Variants in CD274 observed in about 807,000 individuals in gnomAD.
The protein encoded by CD274 is programmed cell death 1 ligand 1.
In CD274, 8 loss-of-function variants were observed where a neutral mutation model predicts 30.1. That is an observed-to-expected ratio of 0.27 (90% CI 0.16 to 0.48). CD274 has a LOEUF of 0.48. Ranked by LOEUF, CD274 falls within the 20% of genes least tolerant of loss-of-function variation. The probability of loss-of-function intolerance (pLI) is 0.99; values close to 1 mark genes in which losing one functional copy is unlikely to be tolerated. For missense variants in CD274, 353 were observed against 346.6 expected (o/e 1.02, Z -0.15); for synonymous variants, 152 against 124.6 (o/e 1.22, Z -1.46).
In CD274 at chr9:5,468,077, G is replaced by A. The variant is rs1459647425; in HGVS notation, c.*215G>A. ...AACAGGGAGCCTGGAGGGAGACCTT[G>A]ATACTTTCAAATGCCTGAGGGGCTC... On this transcript the variant is annotated 3_prime_UTR_variant, in exon 7 of 7. Coordinates refer to ENST00000381577, the MANE Select transcript of CD274 (RefSeq NM_014143.4). 2 of 586,828 alleles carry A rather than the reference G, an allele frequency of 3.4e-6. No individual in the cohort carries two copies. Among genetic ancestry groups the A allele is most frequent in the Non-Finnish European group, 6.1e-6 (2 of 328,524 alleles). The allele number at this position is 586,828 out of a possible 1,614,324, so 36.4% of individuals were successfully genotyped here. A position where few individuals can be genotyped will look rare whatever the true frequency, so the allele number is the denominator to read the frequency against.
intron 3 of CD274, among the ~76,000 whole-genome samples, chr9:5,459,929 T>G (rs1197169070): frequency 1.3e-5 from 2 of 152,022 alleles, no homozygotes; most frequent in East Asian, 1.9e-4. Flanking sequence ...CCTGTTTAAG[T>G]GTTCTCTGTA....
At position 5,469,496 on chromosome 9, in the gene CD274, T is replaced by A. The variant is rs1819552089; in HGVS notation, c.*1634T>A. On this transcript the variant is annotated 3_prime_UTR_variant, in exon 7 of 7. Coordinates refer to ENST00000381577, the MANE Select transcript of CD274 (RefSeq NM_014143.4). ...ATGTTAAAAGCACGTATTTTTAAAATTTTTTTCCTAAATAGTAACACATTG... is the reference window on the plus strand; with the variant it reads ...ATGTTAAAAGCACGTATTTTTAAAAATTTTTTCCTAAATAGTAACACATTG... The A allele has an allele frequency of 4.3e-6, 1 of 230,758 alleles. No individual in the cohort carries two copies. The highest frequency in any genetic ancestry group is 8.6e-6 in the Non-Finnish European group (1 of 116,560). The allele number at this position is 230,758 out of a possible 1,614,324, so 14.3% of individuals were successfully genotyped here.
At position 5,462,937 on chromosome 9, in the gene CD274, C is replaced by G. The variant is rs759831300; in HGVS notation, c.498C>G (p.Ile166Met). The change falls in exon 4 of 7, where the codon ATC becomes ATG. Residue 166 changes from isoleucine (I) to methionine (M), a missense_variant. Physicochemically the swap from Ile to Met is conservative, Grantham distance 10. Coordinates refer to ENST00000381577, the MANE Select transcript of CD274 (RefSeq NM_014143.4). ...AGGGCTACCCCAAGGCCGAAGTCAT[C>G]TGGACAAGCAGTGACCATCAAGTCC... ...QAEGYPKAEVIWTSSDHQVLS... is the reference protein window; with the variant it reads ...QAEGYPKAEVMWTSSDHQVLS... The G allele has an allele frequency of 2.4e-5, 39 of 1,614,070 alleles. No individual in the cohort carries two copies. In the South Asian group the frequency reaches 4.1e-4, roughly 17 times the overall value.
chr9:5,465,255 A>C (rs112811938), intron 4 of CD274, among the ~76,000 whole-genome samples: 2,856 of 152,294 alleles, frequency 0.019, 98 homozygotes, highest in African/African-American at 0.065. Context: ...CCAAGACCTC[A>C]AAACTGGTTA....
chr9:5,466,699 T>C (rs1819502385), intron 5 of CD274, 71 bp from the exon 6 acceptor site: 3 of 1,153,236 alleles, frequency 2.6e-6, no homozygotes, highest in Non-Finnish European at 3.8e-6. Flanking sequence ...AACTTGAAAT[T>C]TAAACTTGGG....
chr9:5,452,473 T>C (rs950875768), intron 1 of CD274, among the ~76,000 whole-genome samples: 6 of 152,248 alleles, frequency 3.9e-5, no homozygotes, highest in African/African-American at 1.4e-4. Flanking sequence ...TTACATTTCA[T>C]TGCTCTTTAA....
chr9:5,465,194 C>T (rs970525477), intron 4 of CD274, among the ~76,000 whole-genome samples: 3 of 151,904 alleles, frequency 2.0e-5, no homozygotes, highest in Admixed American at 6.6e-5. Flanking sequence ...ATATTAGCCT[C>T]ACAAGAAATG....
chr9:5,452,262 C>T (rs1024426067), intron 1 of CD274, among the ~76,000 whole-genome samples: 3 of 152,202 alleles, frequency 2.0e-5, no homozygotes, highest in Non-Finnish European at 4.4e-5. Context: ...GGTGATCCGC[C>T]TGCCTCGGCC....
chr9:5,464,240 T>C (rs1404671425), intron 4 of CD274, among the ~76,000 whole-genome samples: 1 of 152,206 alleles, frequency 6.6e-6, no homozygotes, highest in Non-Finnish European at 1.5e-5. Context: ...AGCTGTTTTA[T>C]GACAACTTAC....
At chr9:5,458,805 G>C (rs2131215686) in intron 3 of CD274, among the ~76,000 whole-genome samples, 1 of 152,222 alleles carries the variant, frequency 6.6e-6, no homozygotes, top group South Asian at 2.1e-4. Flanking sequence ...GACATCTCTT[G>C]AGATGTTGTG....
At chr9:5,464,033 G>T (rs943916359) in intron 4 of CD274, among the ~76,000 whole-genome samples, 1 of 152,086 alleles carries the variant, frequency 6.6e-6, no homozygotes, top group South Asian at 2.1e-4. Context: ...AAAATGCCAC[G>T]TACTTCAGCA....
chr9:5,451,599 A>G (rs748422117), intron 1 of CD274, among the ~76,000 whole-genome samples: 3 of 152,230 alleles, frequency 2.0e-5, no homozygotes, highest in Admixed American at 1.3e-4. Context: ...TACTCTGAAG[A>G]AAAACTTAGC....
Position 5,469,997 on chromosome 9 carries a change from C to T in CD274, c.*2135C>T, listed in dbSNP as rs144841978. Reference sequence around the variant, plus strand: ...TACCCTGTGCCAGAAAAGCCTCATTCGTTGTGCTTGAACCCTTGAATGCCA... The same window carrying T: ...TACCCTGTGCCAGAAAAGCCTCATTTGTTGTGCTTGAACCCTTGAATGCCA... On this transcript the variant is annotated 3_prime_UTR_variant, in exon 7 of 7. Transcript: ENST00000381577. 1.1e-3 allele frequency: 267 copies of T among 233,174 alleles called. 2 individuals carry two copies. In the East Asian group the frequency reaches 0.015, roughly 13 times the overall value. The allele number at this position is 233,174 out of a possible 1,614,324, so 14.4% of individuals were successfully genotyped here.
Position 5,457,397 on chromosome 9 carries a change from A to G in CD274, c.371A>G (p.Lys124Arg), listed in dbSNP as rs1208557098. The G allele has an allele frequency of 1.2e-6, 2 of 1,613,118 alleles. No individual in the cohort carries two copies. Among genetic ancestry groups the G allele is most frequent in the Non-Finnish European group, 8.5e-7 (1 of 1,179,266 alleles). ...ATCAGCTATGGTGGTGCCGACTACAAGCGAATTACTGTGAAAGTCAATGGT... is the reference window on the plus strand; with the variant it reads ...ATCAGCTATGGTGGTGCCGACTACAGGCGAATTACTGTGAAAGTCAATGGT... ...CMISYGGADY[K>R]RITVKVNAPY... is the part of the protein sequence containing the mutation. Residue 124 changes from lysine to arginine, a missense_variant, in exon 3 of 7, where the codon AAG becomes AGG. Transcript: ENST00000381577.
intron 3 of CD274, among the ~76,000 whole-genome samples, chr9:5,461,335 G>C (rs1452323049): frequency 6.6e-6 from 1 of 152,216 alleles, no homozygotes; most frequent in East Asian, 1.9e-4. Context: ...AAGATGGTTA[G>C]TTTAGTCAAA....
chr9:5,454,966 T>C (rs1819274377), intron 1 of CD274, among the ~76,000 whole-genome samples: 1 of 152,180 alleles, frequency 6.6e-6, no homozygotes, highest in Non-Finnish European at 1.5e-5. Flanking sequence ...ACCTTTCACT[T>C]TTTTTCCTCA....
At chr9:5,460,378 C>T (rs1819382816) in intron 3 of CD274, among the ~76,000 whole-genome samples, 1 of 152,078 alleles carries the variant, frequency 6.6e-6, no homozygotes, top group Non-Finnish European at 1.5e-5. Flanking sequence ...ACTGAACACT[C>T]TGTCTAAATT....
In CD274 at chr9:5,467,843, C is replaced by G; in HGVS notation, c.854C>G (p.Thr285Arg). The G allele has an allele frequency of 6.2e-7, 1 of 1,608,254 alleles. No homozygotes were observed. Among genetic ancestry groups the G allele is most frequent in the Non-Finnish European group, 8.5e-7 (1 of 1,174,718 alleles). Residue 285 changes from threonine to arginine, a missense_variant, in exon 7 of 7, where the codon ACA becomes AGA. By Grantham distance (71) the Thr-to-Arg change is moderately conservative. Transcript: ENST00000381577. Reference sequence around the variant, plus strand: ...ATATACTATTATCACTCTCCAGATACACATTTGGAGGAGACGTAATCCAGC... The same window carrying G: ...ATATACTATTATCACTCTCCAGATAGACATTTGGAGGAGACGTAATCCAGC... ...QDTNSKKQSD[T>R]HLEET is the part of the protein sequence containing the mutation.
chr9:5,454,997 T>C (rs1173217361), intron 1 of CD274, among the ~76,000 whole-genome samples: 1 of 152,178 alleles, frequency 6.6e-6, no homozygotes, highest in Non-Finnish European at 1.5e-5. Flanking sequence ...GTAGTTTGTA[T>C]AGTTGTCTTA....
Sources: allele counts gnomAD v4.1 joint callset (sites outside exome capture counted in the v4.1 genomes callset), GRCh38; gene constraint gnomAD v4.1.1; transcripts MANE v1.5; gene names NCBI Gene and HGNC (gene_info 2026-07-23, HGNC 2026-07-21).